Variants in PBX3 observed in about 807,000 individuals in gnomAD.
PBX3 encodes pre-B-cell leukemia transcription factor 3.
In PBX3, 14 loss-of-function variants were observed where a neutral mutation model predicts 48.5. That is an observed-to-expected ratio of 0.29 (90% confidence interval 0.19 to 0.45). PBX3 has a LOEUF of 0.45. Ranked by LOEUF, PBX3 falls within the 20% of genes least tolerant of loss-of-function variation. PBX3 has a pLI of 1.00. For synonymous variants in PBX3, 210 were observed against 200.3 expected, an observed-to-expected ratio of 1.05 and a Z score of -0.41; for missense variants, 386 against 546.7, an observed-to-expected ratio of 0.71 and a Z score of 2.93.
At chr9:125,796,990 G>C (rs562058375) in intron 2 of PBX3, among the ~76,000 whole-genome samples, 8 of 151,882 alleles carry the variant, frequency 5.3e-5, no homozygotes, top group Non-Finnish European at 8.8e-5. Context: ...TACCTAATTC[G>C]TATGGTAACC....
intron 2 of PBX3, among the ~76,000 whole-genome samples, chr9:125,859,657 T>G (rs952840936): frequency 2.6e-5 from 4 of 152,208 alleles, no homozygotes; most frequent in African/African-American, 9.7e-5. Flanking sequence ...TACCACATGA[T>G]CCATGCTCTG....
chr9:125,854,971 C>T (rs2132271911), intron 2 of PBX3, among the ~76,000 whole-genome samples: 1 of 152,254 alleles, frequency 6.6e-6, no homozygotes, highest in Admixed American at 6.5e-5. Context: ...AGTGAGTACT[C>T]TGTAAATAGT....
intron 2 of PBX3, among the ~76,000 whole-genome samples, chr9:125,796,818 C>T (rs1283392644): frequency 6.6e-6 from 1 of 152,046 alleles, no homozygotes; most frequent in African/African-American, 2.4e-5. Flanking sequence ...ACCGTAAGGA[C>T]TATAGTTAAT....
At position 125,966,062 on chromosome 9, in the gene PBX3, C is replaced by G. The variant is rs1842525009; in HGVS notation, c.*139C>G. 3 of 549,274 alleles carry G rather than the reference C, an allele frequency of 5.5e-6. No individual in the cohort carries two copies. The highest frequency in any genetic ancestry group is 9.8e-6 in the Non-Finnish European group (3 of 306,856). 34.0% of individuals were successfully genotyped at this position (549,274 alleles called of 1,614,324 possible). A position where few individuals can be genotyped will look rare whatever the true frequency, so the allele number is the denominator to read the frequency against. ...TGTCTTATTCGAGAACTTGGTAAAT[C>G]TGTTTTTTAAGGAATCATAATCATT... On this transcript the variant is annotated 3_prime_UTR_variant, in exon 9 of 9. Transcript: ENST00000373489.
chr9:125,835,120 T>C (rs1289416268), intron 2 of PBX3, among the ~76,000 whole-genome samples: 2 of 148,942 alleles, frequency 1.3e-5, no homozygotes, highest in Non-Finnish European at 3.0e-5. Context: ...TTGGAAAAAG[T>C]CCATCCTCAC....
chr9:125,809,194 T>A (rs1838215300), intron 2 of PBX3, among the ~76,000 whole-genome samples: 2 of 152,220 alleles, frequency 1.3e-5, no homozygotes, highest in South Asian at 4.1e-4. Flanking sequence ...AATGTGGGTG[T>A]TGGGCAAATC....
At chr9:125,918,275 CCTGAGTCTCA>C (rs1386395614) in intron 3 of PBX3, among the ~76,000 whole-genome samples, 1 of 152,182 alleles carries the variant, frequency 6.6e-6, no homozygotes, top group African/African-American at 2.4e-5. Context: ...ATGACAAGGT[CCTGAGTCTCA>C]CTGTTTTAGA....
intron 2 of PBX3, among the ~76,000 whole-genome samples, chr9:125,849,087 A>G (rs1463594948): frequency 1.3e-5 from 2 of 152,020 alleles, no homozygotes; most frequent in Non-Finnish European, 2.9e-5. Context: ...GGAAGCTCCA[A>G]GATGTTAATC....
At chr9:125,913,103 A>G (rs1308409174) in intron 2 of PBX3, among the ~76,000 whole-genome samples, 4 of 152,172 alleles carry the variant, frequency 2.6e-5, no homozygotes, top group African/African-American at 9.6e-5. Flanking sequence ...AAACCGATTC[A>G]CTTTTCAGAC....
chr9:125,876,730 C>T (rs190460763), intron 2 of PBX3, among the ~76,000 whole-genome samples: 82 of 151,396 alleles, frequency 5.4e-4, no homozygotes, highest in African/African-American at 1.9e-3. Flanking sequence ...CTAACCCCTG[C>T]GTTAAGGGTC....
chr9:125,773,358 A>G (rs10986897), intron 2 of PBX3, among the ~76,000 whole-genome samples: 8,992 of 152,204 alleles, frequency 0.059, 616 homozygotes, highest in East Asian at 0.17. Flanking sequence ...GTCCTTTCAG[A>G]AAGCCTTTTG....
intron 2 of PBX3, among the ~76,000 whole-genome samples, chr9:125,783,328 C>T (rs941025282): frequency 2.0e-5 from 3 of 152,024 alleles, no homozygotes; most frequent in Admixed American, 1.3e-4. Flanking sequence ...ACTCATGTTG[C>T]CCAGGCTGGA....
chr9:125,766,348 T>C (rs902765993), intron 2 of PBX3, among the ~76,000 whole-genome samples: 7 of 152,146 alleles, frequency 4.6e-5, no homozygotes, highest in Non-Finnish European at 8.8e-5. Context: ...ATTTGTAAAG[T>C]AATTTATATG....
In PBX3 at chr9:125,845,452, A is replaced by G. The variant is rs530386296; in HGVS notation, c.275-70234A>G. Among the ~76,000 whole-genome samples, 78 of 152,258 alleles carry G rather than the reference A, an allele frequency of 5.1e-4. 3 individuals are homozygous for G. The South Asian group carries it at 0.016, about 31-fold the overall frequency. ...AAGCAACTCTGTACTGTTGTAAGGT[A>G]GAAAAATCAATGATGCAATCTTTTT... On this transcript the variant is annotated intron_variant, in intron 2 of 8. Transcript: ENST00000373489.
chr9:125,804,917 A>AGATCAGCCTGAGATCAT, intron 2 of PBX3, among the ~76,000 whole-genome samples: 1 of 147,154 alleles, frequency 6.8e-6, no homozygotes, highest in South Asian at 2.2e-4. Flanking sequence ...ACTGCACTCC[A>AGATCAGCCTGAGATCAT]GCCTGGGTGA....
intron 2 of PBX3, among the ~76,000 whole-genome samples, chr9:125,791,924 C>T (rs1018587651): frequency 2.6e-5 from 4 of 151,996 alleles, no homozygotes; most frequent in Admixed American, 6.6e-5. Context: ...CCTCTCCAGC[C>T]GTGCTTCCCA....
At chr9:125,945,477 A>C (rs1455912768) in intron 5 of PBX3, among the ~76,000 whole-genome samples, 3 of 152,174 alleles carry the variant, frequency 2.0e-5, no homozygotes, top group Non-Finnish European at 4.4e-5. Context: ...GCTTTCCTTG[A>C]TACCTCTAGT....
intron 2 of PBX3, among the ~76,000 whole-genome samples, chr9:125,889,937 C>T (rs1255149106): frequency 6.6e-6 from 1 of 150,836 alleles, no homozygotes. Context: ...AGCGGTCCCC[C>T]GCGCCGGCGG....
intron 3 of PBX3, among the ~76,000 whole-genome samples, chr9:125,925,039 C>G (rs1841541624): frequency 6.6e-6 from 1 of 152,172 alleles, no homozygotes; most frequent in Non-Finnish European, 1.5e-5. Flanking sequence ...TGTGCAAATA[C>G]AAGTGCTTTT....
Sources: allele counts gnomAD v4.1 joint callset (sites outside exome capture counted in the v4.1 genomes callset), GRCh38; gene constraint gnomAD v4.1.1; transcripts MANE v1.5; gene names NCBI Gene and HGNC (gene_info 2026-07-23, HGNC 2026-07-21).